ZNF536: variants seen among roughly 807,000 people sequenced by gnomAD.
ZNF536 encodes zinc finger protein 536.
A neutral mutation model predicts 84.5 loss-of-function variants in ZNF536; 13 were observed. The ratio of observed to expected loss-of-function variants is 0.15; its 90% CI spans 0.10 to 0.24. The LOEUF is 0.24. Ranked by LOEUF, ZNF536 falls within the 10% of genes least tolerant of loss-of-function variation. The pLI, the probability that ZNF536 is intolerant of heterozygous loss-of-function variation, is 1.00. For missense variants in ZNF536, 1,536 were observed against 1,747.5 expected, an observed-to-expected ratio of 0.88 and a Z score of 2.16; for synonymous variants, 811 against 742.5, an observed-to-expected ratio of 1.09 and a Z score of -1.50.
At chr19:30,364,808 T>C (rs758972444) in intron 3 of ZNF536, among the ~76,000 whole-genome samples, 2 of 152,196 alleles carry the variant, frequency 1.3e-5, no homozygotes, top group Non-Finnish European at 2.9e-5. Context: ...CAGGGTCATA[T>C]GCGTTTTTCT....
intron 1 of ZNF536, among the ~76,000 whole-genome samples, chr19:30,626,149 G>C (rs984396357): frequency 3.9e-5 from 6 of 152,164 alleles, no homozygotes; most frequent in Admixed American, 6.5e-5. Context: ...AGACGGCTCC[G>C]GCCAGAGCAC....
At chr19:30,518,641 G>A (rs2044190716) in intron 2 of ZNF536, among the ~76,000 whole-genome samples, 1 of 152,234 alleles carries the variant, frequency 6.6e-6, no homozygotes, top group Non-Finnish European at 1.5e-5. Context: ...GACATCTGAG[G>A]GAATGGAGAA....
chr19:30,381,323 G>A (rs1490759543), intron 1 of ZNF536, among the ~76,000 whole-genome samples: 1 of 152,198 alleles, frequency 6.6e-6, no homozygotes, highest in East Asian at 1.9e-4. Context: ...TTTAAGTTAT[G>A]GGGAGGGAGA....
chr19:30,540,352 G>A (rs190288130), intron 3 of ZNF536, among the ~76,000 whole-genome samples: 2 of 152,326 alleles, frequency 1.3e-5, no homozygotes, highest in African/African-American at 4.8e-5. Context: ...TGTAGGGAGG[G>A]AGACCTGGAC....
intron 1 of ZNF536, among the ~76,000 whole-genome samples, chr19:30,259,141 C>G (rs2025061934): frequency 6.6e-6 from 1 of 152,056 alleles, no homozygotes; most frequent in African/African-American, 2.4e-5. Context: ...ATTTTGTTTG[C>G]AGTTGCGGGT....
At chr19:30,667,625 CT>C (rs57656065) in intron 1 of ZNF536, among the ~76,000 whole-genome samples, 1,530 of 123,838 alleles carry the variant, frequency 0.012, 23 homozygotes, top group South Asian at 0.057. Flanking sequence ...TTTTTTCTAG[CT>C]TTTTTTTTTT....
intron 2 of ZNF536, among the ~76,000 whole-genome samples, chr19:30,507,852 C>G (rs151306672): frequency 6.6e-6 from 1 of 152,172 alleles, no homozygotes; most frequent in African/African-American, 2.4e-5. Context: ...CATGCGCATA[C>G]GTGATGAACC....
intron 2 of ZNF536, among the ~76,000 whole-genome samples, chr19:30,480,050 C>G (rs2054009969): frequency 6.6e-6 from 1 of 152,212 alleles, no homozygotes; most frequent in African/African-American, 2.4e-5. Context: ...AAGTCAGTCT[C>G]AGGATCGATT....
At chr19:30,693,614 T>C (rs1377836351) in intron 1 of ZNF536, among the ~76,000 whole-genome samples, 2 of 152,170 alleles carry the variant, frequency 1.3e-5, no homozygotes, top group African/African-American at 4.8e-5. Context: ...ACCTCTCTTC[T>C]GTGTTTTATT....
intron 1 of ZNF536, among the ~76,000 whole-genome samples, chr19:30,621,829 C>T (rs1162777824): frequency 6.6e-6 from 1 of 152,230 alleles, no homozygotes; most frequent in Non-Finnish European, 1.5e-5. Flanking sequence ...CATCTGAAAC[C>T]ACCTGTGCTT....
chr19:30,255,961 G>C (rs1032231535), intron 1 of ZNF536, among the ~76,000 whole-genome samples: 2 of 152,212 alleles, frequency 1.3e-5, no homozygotes, highest in Admixed American at 6.5e-5. Flanking sequence ...CATTGGGCTG[G>C]GGGGAGAGTG....
chr19:30,581,839 CAGG>C (rs1216467897), intron 1 of ZNF536, among the ~76,000 whole-genome samples: 1 of 152,100 alleles, frequency 6.6e-6, no homozygotes, highest in Non-Finnish European at 1.5e-5. Flanking sequence ...GAAGCTGAGG[CAGG>C]AGAATTGCTT....
At chr19:30,302,092 T>G (rs1846533500) in intron 2 of ZNF536, among the ~76,000 whole-genome samples, 1 of 152,194 alleles carries the variant, frequency 6.6e-6, no homozygotes, top group Admixed American at 6.5e-5. Flanking sequence ...GTATATAATA[T>G]TTTTTCCCAG....
chr19:30,359,364 C>A (rs1431996954), intron 3 of ZNF536, among the ~76,000 whole-genome samples: 2 of 152,196 alleles, frequency 1.3e-5, no homozygotes, highest in Non-Finnish European at 2.9e-5. Context: ...GTATGAGGTG[C>A]AAATGGCTTG....
intron 2 of ZNF536, among the ~76,000 whole-genome samples, chr19:30,516,216 A>C (rs1049812944): frequency 6.6e-6 from 1 of 152,072 alleles, no homozygotes; most frequent in African/African-American, 2.4e-5. Flanking sequence ...AGAGAGAACT[A>C]GGTACCTCAC....
intron 1 of ZNF536, among the ~76,000 whole-genome samples, chr19:30,406,176 A>G (rs773156545): frequency 7.2e-5 from 11 of 152,234 alleles, no homozygotes; most frequent in Non-Finnish European, 1.5e-4. Flanking sequence ...TGCAGGGCAC[A>G]TGGGAGAGAC....
chr19:30,479,617 G>A (rs1023752762), intron 2 of ZNF536, among the ~76,000 whole-genome samples: 2 of 152,296 alleles, frequency 1.3e-5, no homozygotes, highest in African/African-American at 2.4e-5. Context: ...GGGCCCTCAC[G>A]CACACCCCAC....
intron 1 of ZNF536, among the ~76,000 whole-genome samples, chr19:30,685,315 C>T (rs2051132796): frequency 6.6e-6 from 1 of 152,140 alleles, no homozygotes; most frequent in South Asian, 2.1e-4. Context: ...TCGAGGTAGC[C>T]CCATCTGAGC....
chr19:30,608,245 C>T (rs2047966428), intron 1 of ZNF536, among the ~76,000 whole-genome samples: 1 of 152,164 alleles, frequency 6.6e-6, no homozygotes, highest in Admixed American at 6.5e-5. Flanking sequence ...TTCAGGAGAT[C>T]ACTGTGGGCA....
Sources: allele counts gnomAD v4.1 joint callset (sites outside exome capture counted in the v4.1 genomes callset), GRCh38; gene constraint gnomAD v4.1.1; transcripts MANE v1.5; gene names NCBI Gene and HGNC (gene_info 2026-07-23, HGNC 2026-07-21).